CSMD1: variants seen among roughly 807,000 people sequenced by gnomAD.
The protein encoded by CSMD1 is CUB and sushi domain-containing protein 1.
CSMD1 carries 213 observed loss-of-function variants against 417.5 expected under a neutral mutation model. The observed-to-expected ratio is 0.51, with a 90% CI of 0.46 to 0.57. The LOEUF (loss-of-function observed/expected upper bound fraction) is 0.57. Among genes scored for constraint, CSMD1 ranks in the 20% least tolerant of loss-of-function variants. The pLI is 0.00. For synonymous variants in CSMD1, 2,862 were observed against 1,736.8 expected, an observed-to-expected ratio of 1.65 and a Z score of -16.11; for missense variants, 6,923 against 4,529.7, an observed-to-expected ratio of 1.53 and a Z score of -15.17.
Position 4,314,294 on chromosome 8 carries a change from G to A in CSMD1, c.415+105659C>T, listed in dbSNP as rs1320894186. ...TAGTTACAATCGACAAAGTACATAG[G>A]ATTAAAGAAGAAGAAAATACATTCA... On this transcript the variant is annotated intron_variant, in intron 3 of 69. Transcript: ENST00000635120. Among the ~76,000 whole-genome samples, 4 of 152,036 alleles carry A rather than the reference G, an allele frequency of 2.6e-5. No homozygotes were observed. The South Asian group carries it at 6.2e-4, about 24-fold the overall frequency.
At chr8:4,277,326 T>C (rs1217440118) in intron 3 of CSMD1, among the ~76,000 whole-genome samples, 1 of 152,110 alleles carries the variant, frequency 6.6e-6, no homozygotes, top group Admixed American at 6.6e-5. Context: ...GGGACTGACT[T>C]CCCTTGGATT....
intron 2 of CSMD1, among the ~76,000 whole-genome samples, chr8:4,542,909 A>C (rs1797461907): frequency 6.6e-6 from 1 of 152,194 alleles, no homozygotes; most frequent in African/African-American, 2.4e-5. Flanking sequence ...TTGAATATTT[A>C]TCTAATGTTT....
At chr8:4,173,251 T>A (rs532849451) in intron 3 of CSMD1, among the ~76,000 whole-genome samples, 1 of 152,090 alleles carries the variant, frequency 6.6e-6, no homozygotes, top group Non-Finnish European at 1.5e-5. Context: ...TCACGCAACA[T>A]TTGGAATGTA....
At chr8:4,973,619 T>G (rs973722046) in intron 1 of CSMD1, among the ~76,000 whole-genome samples, 1 of 152,200 alleles carries the variant, frequency 6.6e-6, no homozygotes, top group African/African-American at 2.4e-5. Context: ...ATTTCGTATC[T>G]CTACAAATCT....
chr8:4,811,994 G>T (rs184313224), intron 1 of CSMD1, among the ~76,000 whole-genome samples: 1 of 152,124 alleles, frequency 6.6e-6, no homozygotes, highest in African/African-American at 2.4e-5. Context: ...ACGAAAGACA[G>T]AAAGTAACAG....
rs571243725 is a variant in CSMD1, at chr8:3,814,599, G to A, written c.819-60557C>T. On this transcript the variant is annotated intron_variant, in intron 5 of 69. Coordinates refer to ENST00000635120, the MANE Select transcript of CSMD1 (RefSeq NM_033225.6). The stretch of plus-strand genomic sequence containing the variant: ...ACCTAGTGGTAAGGCCATGGGTGCT[G>A]CTGGACATCCCACAGCACACAGAAC... Among the ~76,000 whole-genome samples the A allele has an allele frequency of 1.4e-4, 21 of 152,308 alleles. No homozygotes were observed. The South Asian group carries it at 3.5e-3, about 26-fold the overall frequency.
chr8:3,936,852 G>C (rs562216482), intron 5 of CSMD1, among the ~76,000 whole-genome samples: 1 of 152,156 alleles, frequency 6.6e-6, no homozygotes, highest in Admixed American at 6.6e-5. Context: ...TCCATTGATG[G>C]ATCTAGCTAG....
intron 1 of CSMD1, among the ~76,000 whole-genome samples, chr8:4,672,982 T>C (rs989578710): frequency 1.3e-5 from 2 of 151,632 alleles, no homozygotes; most frequent in African/African-American, 4.8e-5. Flanking sequence ...GTTTCCATAG[T>C]GGCATACACA....
At chr8:3,751,538 G>A (rs1467684110) in intron 6 of CSMD1, among the ~76,000 whole-genome samples, 1 of 149,680 alleles carries the variant, frequency 6.7e-6, no homozygotes, top group Non-Finnish European at 1.5e-5. Flanking sequence ...ATATATACAA[G>A]AATGAAGTGT....
intron 1 of CSMD1, among the ~76,000 whole-genome samples, chr8:4,933,304 C>G (rs1187367680): frequency 1.3e-5 from 2 of 152,146 alleles, no homozygotes; most frequent in Non-Finnish European, 2.9e-5. Flanking sequence ...CACAACCTGT[C>G]CAGCTGTATA....
At chr8:4,574,559 G>A (rs914019690) in intron 2 of CSMD1, among the ~76,000 whole-genome samples, 1 of 152,182 alleles carries the variant, frequency 6.6e-6, no homozygotes, top group African/African-American at 2.4e-5. Flanking sequence ...GACGGGAGCT[G>A]TTCCTATTCG....
At chr8:4,777,829 T>C (rs1458812976) in intron 1 of CSMD1, among the ~76,000 whole-genome samples, 1 of 152,200 alleles carries the variant, frequency 6.6e-6, no homozygotes, top group Non-Finnish European at 1.5e-5. Flanking sequence ...ACTTCACATC[T>C]ACAAATCTCA....
At chr8:4,197,487 G>T (rs1467796865) in intron 3 of CSMD1, among the ~76,000 whole-genome samples, 1 of 152,104 alleles carries the variant, frequency 6.6e-6, no homozygotes, top group Non-Finnish European at 1.5e-5. Context: ...TCAGTAGATG[G>T]AAAACTGACT....
At chr8:3,155,514 G>C (rs1016603514) in intron 39 of CSMD1, among the ~76,000 whole-genome samples, 1 of 151,042 alleles carries the variant, frequency 6.6e-6, no homozygotes, top group Admixed American at 6.6e-5. Flanking sequence ...ACTACAGATG[G>C]TCGCCACCAC....
At chr8:4,007,717 C>G (rs932492278) in intron 4 of CSMD1, among the ~76,000 whole-genome samples, 1 of 151,826 alleles carries the variant, frequency 6.6e-6, no homozygotes, top group Admixed American at 6.6e-5. Flanking sequence ...TTGAATGACT[C>G]TGGCTTTCCT....
At chr8:4,799,799 T>G (rs1191454459) in intron 1 of CSMD1, among the ~76,000 whole-genome samples, 2 of 150,878 alleles carry the variant, frequency 1.3e-5, no homozygotes, top group Non-Finnish European at 3.0e-5. Context: ...AAAAAAAAAG[T>G]GACAATATGC....
At chr8:4,431,147 G>A (rs1015414499) in intron 2 of CSMD1, among the ~76,000 whole-genome samples, 2 of 152,026 alleles carry the variant, frequency 1.3e-5, no homozygotes, top group African/African-American at 2.4e-5. Flanking sequence ...GGCTCTAAAT[G>A]ATTTGCTCAA....
At chr8:3,769,106 C>A in intron 5 of CSMD1, among the ~76,000 whole-genome samples, 1 of 152,200 alleles carries the variant, frequency 6.6e-6, no homozygotes. Context: ...AAAGAGATGA[C>A]TTTTCCTTAT....
intron 25 of CSMD1, among the ~76,000 whole-genome samples, chr8:3,299,327 C>T (rs577244252): frequency 5.9e-5 from 9 of 152,216 alleles, no homozygotes; most frequent in Admixed American, 5.2e-4. Flanking sequence ...TGGCAGACAC[C>T]TGTAATCCCA....
Sources: gnomAD v4.1 joint callset for allele counts (sites outside exome capture counted in the v4.1 genomes callset) on GRCh38, gnomAD v4.1.1 for gene constraint, MANE v1.5 for transcripts, NCBI Gene and HGNC (gene_info 2026-07-23, HGNC 2026-07-21) for gene names.